Variants in CCSER1 observed in about 807,000 individuals in gnomAD.
CCSER1 encodes the protein serine-rich coiled-coil domain-containing protein 1.
A neutral mutation model predicts 82.0 loss-of-function variants in CCSER1; 41 were observed. The ratio of observed to expected loss-of-function variants is 0.50; its 90% CI spans 0.39 to 0.65. The LOEUF is 0.65. Among genes scored for constraint, CCSER1 ranks in the 30% least tolerant of loss-of-function variants. The pLI, the probability that CCSER1 is intolerant of heterozygous loss-of-function variation, is 0.00. For missense variants in CCSER1, 1,119 were observed against 1,064.2 expected (o/e 1.05, Z -0.72); for synonymous variants, 414 against 383.9 (o/e 1.08, Z -0.92).
chr4:90,804,793 A>T (rs150693524), intron 7 of CCSER1, among the ~76,000 whole-genome samples: 105 of 152,270 alleles, frequency 6.9e-4, no homozygotes, highest in African/African-American at 2.4e-3. Context: ...GGGACAAACT[A>T]CCCAAATTTC....
intron 8 of CCSER1, among the ~76,000 whole-genome samples, chr4:90,916,079 G>A (rs1487537687): frequency 6.6e-6 from 1 of 152,064 alleles, no homozygotes; most frequent in Non-Finnish European, 1.5e-5. Context: ...CATGAAAATG[G>A]CCATACTACC....
intron 1 of CCSER1, among the ~76,000 whole-genome samples, chr4:90,258,812 T>C (rs1723802584): frequency 6.6e-6 from 1 of 152,174 alleles, no homozygotes; most frequent in African/African-American, 2.4e-5. Flanking sequence ...ACCTAAGCAG[T>C]GTACACTGTA....
chr4:91,166,219 G>T (rs781128785), intron 10 of CCSER1, among the ~76,000 whole-genome samples: 8 of 152,114 alleles, frequency 5.3e-5, no homozygotes, highest in Non-Finnish European at 1.0e-4. Flanking sequence ...GAGGCATATT[G>T]GTTGACACAA....
intron 10 of CCSER1, among the ~76,000 whole-genome samples, chr4:91,394,171 T>G (rs182419729): frequency 6.6e-6 from 1 of 152,186 alleles, no homozygotes; most frequent in African/African-American, 2.4e-5. Context: ...GTAGTTAGAT[T>G]TTCAGAGACT....
rs147483667 is a variant in CCSER1, at chr4:91,258,089, A to C, written c.2217+172095A>C. Among the ~76,000 whole-genome samples, 705 of 152,200 alleles carry C rather than the reference A, an allele frequency of 4.6e-3. 5 individuals are homozygous for C. Among genetic ancestry groups the C allele is most frequent in the Non-Finnish European group, 6.5e-3 (444 of 67,950 alleles). On this transcript the variant is annotated intron_variant, in intron 10 of 10. Coordinates refer to ENST00000509176, the MANE Select transcript of CCSER1 (RefSeq NM_001145065.2). ...CAATATTTTAAATATATACATGTCA[A>C]TAATCTAGTTATTTTATGCTGAACA...
intron 8 of CCSER1, among the ~76,000 whole-genome samples, chr4:90,838,664 C>T (rs915191752): frequency 6.6e-6 from 1 of 152,118 alleles, no homozygotes; most frequent in Non-Finnish European, 1.5e-5. Flanking sequence ...CCACTTCTTC[C>T]ACCCCACTTC....
intron 5 of CCSER1, among the ~76,000 whole-genome samples, chr4:90,505,716 G>C (rs181491425): frequency 6.6e-6 from 1 of 152,254 alleles, no homozygotes; most frequent in East Asian, 1.9e-4. Context: ...AAACTGCCTT[G>C]GCACTGATGG....
At chr4:90,647,751 C>T (rs1727851386) in intron 6 of CCSER1, among the ~76,000 whole-genome samples, 1 of 152,004 alleles carries the variant, frequency 6.6e-6, no homozygotes, top group South Asian at 2.1e-4. Flanking sequence ...GTTTATTTTA[C>T]ATTTGTTTAT....
At position 91,027,814 on chromosome 4, in the gene CCSER1, G is replaced by T. The variant is rs1561483334; in HGVS notation, c.2173-58136G>T. Among the ~76,000 whole-genome samples, 3 of 152,168 alleles carry T rather than the reference G, an allele frequency of 2.0e-5. No individual in the cohort carries two copies. In the East Asian group the frequency reaches 5.8e-4, roughly 29 times the overall value. ...GTGATTGGACCTGTGTTTAGTCCTG[G>T]AAAGAGTCAATATACATGTCAAACC... is the stretch of plus-strand genomic sequence containing the variant. On this transcript the variant is annotated intron_variant, in intron 9 of 10. Coordinates refer to ENST00000509176, the MANE Select transcript of CCSER1 (RefSeq NM_001145065.2).
At chr4:90,671,191 C>A (rs532765269) in intron 6 of CCSER1, among the ~76,000 whole-genome samples, 1 of 151,936 alleles carries the variant, frequency 6.6e-6, no homozygotes, top group African/African-American at 2.4e-5. Flanking sequence ...CTGAAGGTTG[C>A]GATGGCTGTG....
intron 10 of CCSER1, among the ~76,000 whole-genome samples, chr4:91,404,812 C>T (rs1390683905): frequency 6.6e-6 from 1 of 152,094 alleles, no homozygotes; most frequent in African/African-American, 2.4e-5. Context: ...GCTTTACTTC[C>T]TACTATGTGG....
intron 10 of CCSER1, among the ~76,000 whole-genome samples, chr4:91,380,337 G>A (rs1750784831): frequency 6.6e-6 from 1 of 152,102 alleles, no homozygotes; most frequent in African/African-American, 2.4e-5. Context: ...GTCTAATGTT[G>A]ACAGTGAGGT....
At chr4:90,897,490 T>C (rs999286755) in intron 8 of CCSER1, among the ~76,000 whole-genome samples, 1 of 152,106 alleles carries the variant, frequency 6.6e-6, no homozygotes, top group East Asian at 1.9e-4. Context: ...TATGGCTCTG[T>C]AGAATTCCAT....
chr4:91,194,777 A>T (rs1479963766), intron 10 of CCSER1, among the ~76,000 whole-genome samples: 1 of 152,214 alleles, frequency 6.6e-6, no homozygotes, highest in Admixed American at 6.5e-5. Flanking sequence ...TCATATTATG[A>T]GGTTTCATGA....
intron 1 of CCSER1, among the ~76,000 whole-genome samples, chr4:90,229,498 A>G (rs1578622329): frequency 6.6e-6 from 1 of 152,194 alleles, no homozygotes; most frequent in Non-Finnish European, 1.5e-5. Context: ...AACAACTGAT[A>G]CCAGCCGCTG....
chr4:90,524,046 C>A (rs1416392783), intron 5 of CCSER1, among the ~76,000 whole-genome samples: 1 of 151,820 alleles, frequency 6.6e-6, no homozygotes, highest in Non-Finnish European at 1.5e-5. Context: ...AAGAGCTCAA[C>A]ATAACCAAGT....
intron 3 of CCSER1, among the ~76,000 whole-genome samples, chr4:90,371,189 G>T (rs1265701257): frequency 6.7e-6 from 1 of 149,688 alleles, no homozygotes; most frequent in African/African-American, 2.4e-5. Context: ...GGAAGCAAAT[G>T]AATCCAATAA....
chr4:90,245,868 C>A (rs1241227814), intron 1 of CCSER1, among the ~76,000 whole-genome samples: 1 of 151,988 alleles, frequency 6.6e-6, no homozygotes, highest in Non-Finnish European at 1.5e-5. Context: ...ATATTTGCAA[C>A]CACAAGGAAT....
At chr4:91,274,734 A>T (rs1742285196) in intron 10 of CCSER1, among the ~76,000 whole-genome samples, 1 of 152,148 alleles carries the variant, frequency 6.6e-6, no homozygotes, top group Non-Finnish European at 1.5e-5. Flanking sequence ...CCATTAATGG[A>T]CACTGAGGTC....
Sources: allele counts gnomAD v4.1 joint callset (sites outside exome capture counted in the v4.1 genomes callset), GRCh38; gene constraint gnomAD v4.1.1; transcripts MANE v1.5; gene names NCBI Gene and HGNC (gene_info 2026-07-23, HGNC 2026-07-21).